TMPRSS15: variants seen among roughly 807,000 people sequenced by gnomAD.
The protein encoded by TMPRSS15 is transmembrane serine protease 15.
In TMPRSS15, 128 loss-of-function variants were observed where a neutral mutation model predicts 125.3. That is an observed-to-expected ratio of 1.02 (90% CI 0.89 to 1.18). The LOEUF (loss-of-function observed/expected upper bound fraction) is 1.18. TMPRSS15 is among the 50% of genes most tolerant of loss of function. The pLI is 0.00. For missense variants in TMPRSS15, 1,283 were observed against 1,212.7 expected, an observed-to-expected ratio of 1.06 and a Z score of -0.86; for synonymous variants, 446 against 423.2, an observed-to-expected ratio of 1.05 and a Z score of -0.66.
chr21:18,275,405 T>C, intron 23 of TMPRSS15, 69 bp from the exon 24 acceptor site: 1 of 1,567,732 alleles, frequency 6.4e-7, no homozygotes, highest in Non-Finnish European at 8.7e-7. Flanking sequence ...TGAACTACCA[T>C]CAGTCCTATT....
intron 1 of TMPRSS15, among the ~76,000 whole-genome samples, chr21:18,435,967 C>T (rs537250074): frequency 0.012 from 1,856 of 148,644 alleles, 50 homozygotes; most frequent in African/African-American, 0.043. Flanking sequence ...TCTGTGGGAT[C>T]GGTGGTGATA....
chr21:18,284,297 C>T (rs916247054), intron 21 of TMPRSS15, among the ~76,000 whole-genome samples: 36 of 152,164 alleles, frequency 2.4e-4, no homozygotes, highest in African/African-American at 8.4e-4. Flanking sequence ...AGCTTTTCCT[C>T]GGTGGAAAAT....
chr21:18,325,741 G>C (rs2075282117), intron 16 of TMPRSS15, among the ~76,000 whole-genome samples: 1 of 151,848 alleles, frequency 6.6e-6, no homozygotes, highest in Non-Finnish European at 1.5e-5. Flanking sequence ...GAAGTATCAA[G>C]TTACAAAAAA....
At chr21:18,447,055 G>A (rs1247058314) in intron 1 of TMPRSS15, among the ~76,000 whole-genome samples, 1 of 152,028 alleles carries the variant, frequency 6.6e-6, no homozygotes, top group Non-Finnish European at 1.5e-5. Context: ...TTAATATACA[G>A]CATATATAAG....
chr21:18,295,682 T>C (rs1407496715), intron 19 of TMPRSS15, among the ~76,000 whole-genome samples: 1 of 152,242 alleles, frequency 6.6e-6, no homozygotes, highest in Non-Finnish European at 1.5e-5. Context: ...AGAATGATTT[T>C]AGTTGAAATA....
At chr21:18,443,558 C>T (rs1453336859) in intron 1 of TMPRSS15, among the ~76,000 whole-genome samples, 3 of 152,208 alleles carry the variant, frequency 2.0e-5, no homozygotes, top group African/African-American at 7.2e-5. Flanking sequence ...ACTCTTGATT[C>T]CAAGGGAACC....
chr21:18,340,397 T>C (rs1281689965), intron 13 of TMPRSS15, among the ~76,000 whole-genome samples: 1 of 152,168 alleles, frequency 6.6e-6, no homozygotes, highest in Admixed American at 6.5e-5. Context: ...GGCCACAGAC[T>C]GAAGGCTGCA....
chr21:18,312,842 A>G (rs1011263731), intron 18 of TMPRSS15, 103 bp downstream of exon 18: 92 of 1,449,064 alleles, frequency 6.3e-5, no homozygotes, highest in Non-Finnish European at 8.0e-5. Context: ...TGTATTTTCT[A>G]AATTCATAAC....
intron 1 of TMPRSS15, among the ~76,000 whole-genome samples, chr21:18,483,085 G>C (rs946071291): frequency 6.6e-6 from 1 of 151,712 alleles, no homozygotes; most frequent in African/African-American, 2.4e-5. Context: ...TTTAATCATA[G>C]AAATTCCAGT....
chr21:18,391,223 G>C (rs1327812789), intron 3 of TMPRSS15, among the ~76,000 whole-genome samples: 1 of 152,172 alleles, frequency 6.6e-6, no homozygotes, highest in Non-Finnish European at 1.5e-5. Context: ...GTCCCTCAAA[G>C]TTTTAACTCA....
chr21:18,359,592 A>G (rs536972656), intron 8 of TMPRSS15, among the ~76,000 whole-genome samples, 165 bp downstream of exon 8: 2 of 151,986 alleles, frequency 1.3e-5, no homozygotes, highest in African/African-American at 2.4e-5. Context: ...GACCACATAG[A>G]GCACTAATTT....
At chr21:18,360,772 G>T (rs2075672726) in intron 7 of TMPRSS15, among the ~76,000 whole-genome samples, 2 of 151,900 alleles carry the variant, frequency 1.3e-5, no homozygotes, top group Admixed American at 1.3e-4. Flanking sequence ...GTTTTGTTGT[G>T]ATTCCATATA....
chr21:18,415,415 G>A (rs1481235958), intron 1 of TMPRSS15, among the ~76,000 whole-genome samples: 1 of 152,060 alleles, frequency 6.6e-6, no homozygotes, highest in African/African-American at 2.4e-5. Flanking sequence ...CCATAGTCAA[G>A]AAATCTTTGC....
intron 1 of TMPRSS15, among the ~76,000 whole-genome samples, chr21:18,466,982 C>A (rs1978676087): frequency 6.6e-6 from 1 of 152,092 alleles, no homozygotes; most frequent in Admixed American, 6.5e-5. Context: ...CAGCACTGTT[C>A]ACAATAGCAA....
chr21:18,410,042 GT>G (rs1211580577), intron 1 of TMPRSS15, among the ~76,000 whole-genome samples: 1 of 147,374 alleles, frequency 6.8e-6, no homozygotes, highest in Non-Finnish European at 1.5e-5. Flanking sequence ...ATTTTTCATT[GT>G]TTTCCCATAG....
At chr21:18,453,184 T>C (rs886293757) in intron 1 of TMPRSS15, among the ~76,000 whole-genome samples, 3 of 152,202 alleles carry the variant, frequency 2.0e-5, no homozygotes, top group Non-Finnish European at 4.4e-5. Context: ...AGTTTTGTTG[T>C]CTTCCCTCTA....
intron 13 of TMPRSS15, among the ~76,000 whole-genome samples, chr21:18,333,029 T>C (rs1471025916): frequency 6.6e-6 from 1 of 151,906 alleles, no homozygotes; most frequent in Non-Finnish European, 1.5e-5. Flanking sequence ...CACTTATAAG[T>C]GAAAGCTAAA....
intron 1 of TMPRSS15, among the ~76,000 whole-genome samples, chr21:18,480,397 T>C (rs1056495379): frequency 6.6e-6 from 1 of 151,958 alleles, no homozygotes; most frequent in African/African-American, 2.4e-5. Context: ...GAGATTTTAG[T>C]AGACTTTCTA....
intron 16 of TMPRSS15, among the ~76,000 whole-genome samples, chr21:18,319,047 T>G (rs903038379): frequency 6.6e-6 from 1 of 152,192 alleles, no homozygotes; most frequent in African/African-American, 2.4e-5. Context: ...AGTTTAAAAT[T>G]TAAGATAATT....
Sources: gnomAD v4.1 joint callset for allele counts (sites outside exome capture counted in the v4.1 genomes callset) on GRCh38, gnomAD v4.1.1 for gene constraint, MANE v1.5 for transcripts, NCBI Gene and HGNC (gene_info 2026-07-23, HGNC 2026-07-21) for gene names.